CCDC7: variants seen among roughly 807,000 people sequenced by gnomAD.
CCDC7 encodes the protein coiled-coil domain containing 7, also known as coiled-coil domain-containing protein 7.
Under a neutral mutation model 196.9 loss-of-function variants are expected in CCDC7, and 183 were observed. That is an observed-to-expected ratio of 0.93 (90% confidence interval 0.82 to 1.05). The LOEUF (loss-of-function observed/expected upper bound fraction) is 1.05. Ranked by LOEUF, CCDC7 falls within the 50% of genes least tolerant of loss-of-function variation. CCDC7 has a pLI of 0.00. For missense variants in CCDC7, 1,540 were observed against 1,482.2 expected (o/e 1.04, Z -0.64); for synonymous variants, 525 against 484.6 (o/e 1.08, Z -1.10).
intron 9 of CCDC7, among the ~76,000 whole-genome samples, chr10:32,497,198 T>C (rs1265320097): frequency 6.6e-6 from 1 of 152,242 alleles, no homozygotes; most frequent in African/African-American, 2.4e-5. Context: ...TATAGTATTC[T>C]CTGATGGTAG....
intron 25 of CCDC7, among the ~76,000 whole-genome samples, chr10:32,714,934 A>G (rs1001024081): frequency 5.9e-5 from 9 of 152,176 alleles, no homozygotes; most frequent in African/African-American, 2.2e-4. Context: ...TCTCCCTGGG[A>G]CAGAGCATCT....
rs1282484961 is a variant in CCDC7, at chr10:32,769,314, T to C, written c.2906-9663T>C. On this transcript the variant is annotated intron_variant, in intron 28 of 41. Coordinates refer to ENST00000639629, the Ensembl canonical transcript of CCDC7. ...GCATATAGTTATTCATGTACTCTGA[T>C]AATCTTTTTAAATTTCTGTGGTATC... Among the ~76,000 whole-genome samples, 5 of 152,236 alleles carry C rather than the reference T, an allele frequency of 3.3e-5. No homozygotes were observed. In the South Asian group the frequency reaches 1.0e-3, roughly 32 times the overall value.
intron 8 of CCDC7, among the ~76,000 whole-genome samples, chr10:32,483,553 G>C (rs184083175): frequency 0.044 from 6,729 of 152,238 alleles, 482 homozygotes; most frequent in African/African-American, 0.15. Context: ...TGGTGTTTTA[G>C]ACATGAAGTC....
At chr10:32,773,251 A>G (rs1190652018) in intron 28 of CCDC7, among the ~76,000 whole-genome samples, 2 of 152,136 alleles carry the variant, frequency 1.3e-5, no homozygotes, top group Non-Finnish European at 1.5e-5. Flanking sequence ...ATTTCCTTAA[A>G]TATGCTTGCT....
intron 16 of CCDC7, among the ~76,000 whole-genome samples, chr10:32,573,979 A>C (rs1476857669): frequency 1.3e-5 from 2 of 152,202 alleles, no homozygotes; most frequent in African/African-American, 2.4e-5. Context: ...TGCATTCTAT[A>C]AAACATTACC....
At chr10:32,778,029 T>C (rs1259686389) in intron 28 of CCDC7, among the ~76,000 whole-genome samples, 1 of 152,244 alleles carries the variant, frequency 6.6e-6, no homozygotes, top group Non-Finnish European at 1.5e-5. Context: ...TGCCCCACTT[T>C]ATAATGGAGT....
intron 18 of CCDC7, among the ~76,000 whole-genome samples, chr10:32,603,745 A>G (rs2061311088): frequency 6.6e-6 from 1 of 151,936 alleles, no homozygotes; most frequent in African/African-American, 2.4e-5. Context: ...GCCTGCTTGT[A>G]TGTTGTCTTT....
At chr10:32,450,588 G>T (rs1321469663), upstream of CCDC7, among the ~76,000 whole-genome samples, 3 of 152,104 alleles carry the variant, frequency 2.0e-5, no homozygotes, top group African/African-American at 7.2e-5. Context: ...AACACTATTT[G>T]GGAGGTGGCA....
intron 41 of CCDC7, among the ~76,000 whole-genome samples, chr10:32,865,023 A>C (rs913119199): frequency 1.4e-4 from 21 of 151,910 alleles, no homozygotes; most frequent in African/African-American, 5.1e-4. Flanking sequence ...ACCTTAAAGC[A>C]CACATAGGAG....
intron 29 of CCDC7, among the ~76,000 whole-genome samples, chr10:32,781,256 T>C (rs531344695): frequency 4.0e-4 from 61 of 152,288 alleles, no homozygotes; most frequent in African/African-American, 1.4e-3. Context: ...CTAATCCTTC[T>C]CAAATTCTTT....
intron 11 of CCDC7, among the ~76,000 whole-genome samples, chr10:32,543,058 T>C (rs1199613281): frequency 6.6e-6 from 1 of 152,158 alleles, no homozygotes; most frequent in African/African-American, 2.4e-5. Context: ...TTGATTGATA[T>C]TGTCAGAAAA....
chr10:32,624,234 A>G (rs1485562385), intron 18 of CCDC7, among the ~76,000 whole-genome samples: 1 of 152,114 alleles, frequency 6.6e-6, no homozygotes, highest in Non-Finnish European at 1.5e-5. Flanking sequence ...GTTGCCCTGG[A>G]CTATTACAAT....
chr10:32,689,935 A>G (rs1364037612), intron 23 of CCDC7, among the ~76,000 whole-genome samples: 3 of 152,072 alleles, frequency 2.0e-5, no homozygotes, highest in Admixed American at 6.5e-5. Flanking sequence ...GAGTTTCACC[A>G]TGTTGGCCAG....
intron 28 of CCDC7, among the ~76,000 whole-genome samples, chr10:32,775,488 G>A (rs2079862718): frequency 6.6e-6 from 1 of 152,078 alleles, no homozygotes; most frequent in African/African-American, 2.4e-5. Flanking sequence ...AATACCTATA[G>A]TAACTATCTG....
intron 11 of CCDC7, among the ~76,000 whole-genome samples, chr10:32,536,905 G>A (rs553747396): frequency 2.0e-5 from 3 of 152,220 alleles, no homozygotes; most frequent in Admixed American, 6.5e-5. Context: ...ACCGTTGTTG[G>A]GCATTTAGGT....
At chr10:32,797,193 G>C (rs1592848652) in intron 29 of CCDC7, among the ~76,000 whole-genome samples, 1 of 137,892 alleles carries the variant, frequency 7.3e-6, no homozygotes, top group Non-Finnish European at 1.6e-5. Flanking sequence ...ATATATATAC[G>C]TATATATATA....
At chr10:32,845,190 A>G in intron 33 of CCDC7, 53 bp from the exon 35 acceptor site, 1 of 1,113,846 alleles carries the variant, frequency 9.0e-7, no homozygotes, top group South Asian at 1.5e-5. Flanking sequence ...ACATACTCAG[A>G]TTTGGTAATG....
At chr10:32,528,237 C>T (rs959335391) in intron 11 of CCDC7, among the ~76,000 whole-genome samples, 2 of 151,796 alleles carry the variant, frequency 1.3e-5, no homozygotes, top group African/African-American at 4.8e-5. Context: ...TAATATTCCA[C>T]TGTGTATATG....
chr10:32,449,957 T>C (rs1235510372), upstream of CCDC7, among the ~76,000 whole-genome samples: 1 of 152,232 alleles, frequency 6.6e-6, no homozygotes, highest in Non-Finnish European at 1.5e-5. Context: ...CGTTGGACTT[T>C]CCAATCTCCA....
Sources: gnomAD v4.1 joint callset for allele counts (sites outside exome capture counted in the v4.1 genomes callset) on GRCh38, gnomAD v4.1.1 for gene constraint, MANE v1.5 for transcripts, NCBI Gene and HGNC (gene_info 2026-07-23, HGNC 2026-07-21) for gene names.